Variants in CNBD1 observed in about 807,000 individuals in gnomAD.
CNBD1 encodes the protein cyclic nucleotide binding domain containing 1, also known as cyclic nucleotide-binding domain-containing protein 1.
Under a neutral mutation model 54.4 loss-of-function variants are expected in CNBD1, and 71 were observed. The ratio of observed to expected loss-of-function variants is 1.30; its 90% CI spans 1.08 to 1.59. The LOEUF is 1.59. CNBD1 is among the 40% of genes most tolerant of loss of function. The pLI is 0.00. For missense variants in CNBD1, 659 were observed against 518.0 expected, an observed-to-expected ratio of 1.27 and a Z score of -2.64; for synonymous variants, 182 against 170.7, an observed-to-expected ratio of 1.07 and a Z score of -0.51.
Position 86,939,779 on chromosome 8 carries a change from C to A in CNBD1, c.431+25C>A, listed in dbSNP as rs778591256. 116 of 1,353,006 alleles carry A rather than the reference C, an allele frequency of 8.6e-5. 1 individual carries two copies. The South Asian group carries it at 1.4e-3, about 17-fold the overall frequency. 83.8% of individuals were successfully genotyped at this position (1,353,006 alleles called of 1,614,324 possible). ...TGTAAGTATTTAAAATATATTCCTT[C>A]TTCTAATTGAGTAATTCTTTTGAAT... On this transcript the variant is annotated intron_variant, in intron 4 of 10. Transcript: ENST00000518476.
intron 10 of CNBD1, among the ~76,000 whole-genome samples, chr8:87,356,177 A>G (rs143254239): frequency 2.4e-3 from 363 of 152,274 alleles, no homozygotes; most frequent in African/African-American, 8.4e-3. Context: ...TTCATTAATG[A>G]CAACACAAAA....
intron 2 of CNBD1, among the ~76,000 whole-genome samples, chr8:87,405,381 A>G (rs903231664): frequency 5.9e-5 from 9 of 152,132 alleles, no homozygotes. Flanking sequence ...AGTATTATTT[A>G]CAAACAGATG....
chr8:87,104,549 C>G (rs769291630), intron 4 of CNBD1, among the ~76,000 whole-genome samples: 8 of 152,076 alleles, frequency 5.3e-5, no homozygotes, highest in Non-Finnish European at 1.2e-4. Context: ...GTTGATGAGA[C>G]CAATGAGGTG....
At chr8:86,955,946 G>A (rs1807755671) in intron 4 of CNBD1, among the ~76,000 whole-genome samples, 1 of 152,152 alleles carries the variant, frequency 6.6e-6, no homozygotes, top group East Asian at 1.9e-4. Flanking sequence ...TTTTCTTCTA[G>A]GGTTTTTATG....
intron 8 of CNBD1, among the ~76,000 whole-genome samples, chr8:87,340,560 A>G (rs992798101): frequency 1.6e-4 from 24 of 152,236 alleles, no homozygotes; most frequent in Middle Eastern, 6.8e-3. Flanking sequence ...GATGATATCC[A>G]TAAATCATTT....
At chr8:87,234,279 C>T (rs1051585318) in intron 5 of CNBD1, among the ~76,000 whole-genome samples, 3 of 152,144 alleles carry the variant, frequency 2.0e-5, no homozygotes, top group Admixed American at 2.0e-4. Flanking sequence ...CACAAATGTT[C>T]TTAATGGCAT....
intron 3 of CNBD1, among the ~76,000 whole-genome samples, chr8:86,922,941 G>T (rs1423788291): frequency 6.6e-6 from 1 of 152,168 alleles, no homozygotes; most frequent in African/African-American, 2.4e-5. Flanking sequence ...AAACTACAAT[G>T]TTGGGGATGG....
At chr8:87,156,350 T>C (rs1812741465) in intron 4 of CNBD1, among the ~76,000 whole-genome samples, 1 of 147,988 alleles carries the variant, frequency 6.8e-6, no homozygotes, top group South Asian at 2.1e-4. Context: ...GTTCAAACGA[T>C]TCTCGTGCCT....
At chr8:87,261,261 C>T (rs543359651) in intron 6 of CNBD1, among the ~76,000 whole-genome samples, 1 of 152,200 alleles carries the variant, frequency 6.6e-6, no homozygotes, top group Admixed American at 6.5e-5. Flanking sequence ...AGGGAGCTTA[C>T]CCACGATCCC....
At chr8:87,124,089 A>G (rs1232576772) in intron 4 of CNBD1, among the ~76,000 whole-genome samples, 2 of 151,616 alleles carry the variant, frequency 1.3e-5, no homozygotes, top group African/African-American at 4.8e-5. Context: ...AAAATTTCCA[A>G]AAAAATGAAA....
rs112826796 is a variant in CNBD1, at chr8:87,312,911, G to T, written c.1042+26240G>T. Among the ~76,000 whole-genome samples the T allele has an allele frequency of 6.3e-4, 95 of 151,796 alleles. 1 individual carries two copies. Among genetic ancestry groups the T allele is most frequent in the Non-Finnish European group, 1.1e-3 (74 of 67,934 alleles). ...AGATAGAGCTATGAGATTTGTATTT[G>T]CTCCCAGAAAAGTTGGGCATTTACA... On this transcript the variant is annotated intron_variant, in intron 8 of 10. Transcript: ENST00000518476.
chr8:86,884,891 A>G (rs751186618), intron 1 of CNBD1, among the ~76,000 whole-genome samples: 1 of 152,120 alleles, frequency 6.6e-6, no homozygotes, highest in Non-Finnish European at 1.5e-5. Flanking sequence ...GCCATTTTAC[A>G]CTGTGTTTTC....
chr8:87,125,936 C>A (rs554972745), intron 4 of CNBD1, among the ~76,000 whole-genome samples: 123 of 151,732 alleles, frequency 8.1e-4, no homozygotes, highest in Non-Finnish European at 1.5e-3. Flanking sequence ...ATATATTATT[C>A]TTTTGTTTGA....
At chr8:87,070,041 T>C (rs1050539746) in intron 4 of CNBD1, among the ~76,000 whole-genome samples, 2 of 152,078 alleles carry the variant, frequency 1.3e-5, no homozygotes, top group African/African-American at 4.8e-5. Flanking sequence ...TCCACTCTCA[T>C]GTCAGAGAGT....
At chr8:86,930,850 C>A (rs968512533) in intron 3 of CNBD1, among the ~76,000 whole-genome samples, 16 of 152,168 alleles carry the variant, frequency 1.1e-4, no homozygotes, top group African/African-American at 3.4e-4. Flanking sequence ...CCTTTACAAA[C>A]TTCAGGGCTT....
At chr8:87,414,970 T>C (rs1368739334) in intron 2 of CNBD1, among the ~76,000 whole-genome samples, 3 of 152,092 alleles carry the variant, frequency 2.0e-5, no homozygotes, top group Middle Eastern at 3.4e-3. Context: ...GAGAAATGGG[T>C]GGCTGGATGC....
intron 4 of CNBD1, among the ~76,000 whole-genome samples, chr8:86,976,863 T>A (rs1808353871): frequency 1.3e-5 from 2 of 152,082 alleles, no homozygotes; most frequent in Non-Finnish European, 2.9e-5. Flanking sequence ...TACTGATTGC[T>A]TTATGTTGGT....
rs542885981 is a variant in CNBD1, at chr8:87,133,008, T to A, written c.432-72985T>A. ...GCTCTCTTCAAGCCCACTGTTTTTT[T>A]CTTCTGTAAATCTAATTGACTTCTA... On this transcript the variant is annotated intron_variant, in intron 4 of 10. Transcript: ENST00000518476. Among the ~76,000 whole-genome samples the A allele has an allele frequency of 2.2e-3, 338 of 151,856 alleles. 1 individual carries two copies. Among genetic ancestry groups the A allele is most frequent in the South Asian group, 4.6e-3 (22 of 4,822 alleles).
At chr8:86,917,798 A>G (rs1809210750) in intron 3 of CNBD1, among the ~76,000 whole-genome samples, 1 of 152,142 alleles carries the variant, frequency 6.6e-6, no homozygotes, top group Non-Finnish European at 1.5e-5. Flanking sequence ...CCCTCCCCCA[A>G]CACACACCCA....
Sources: gnomAD v4.1 joint callset for allele counts (sites outside exome capture counted in the v4.1 genomes callset) on GRCh38, gnomAD v4.1.1 for gene constraint, MANE v1.5 for transcripts, NCBI Gene and HGNC (gene_info 2026-07-23, HGNC 2026-07-21) for gene names.